The following COL4A1 variants were observed in gnomAD, a reference collection of about 807,000 sequenced individuals.
COL4A1 encodes collagen type IV alpha 1 chain, also known as collagen alpha-1(IV) chain.
In COL4A1, 40 loss-of-function variants were observed where a neutral mutation model predicts 216.6. The observed-to-expected ratio is 0.18, with a 90% CI of 0.14 to 0.24. COL4A1 has a LOEUF of 0.24. Ranked by LOEUF, COL4A1 falls within the 10% of genes least tolerant of loss-of-function variation. The probability of loss-of-function intolerance (pLI) is 1.00; values close to 1 mark genes in which losing one functional copy is unlikely to be tolerated. For missense variants in COL4A1, 1,628 were observed against 2,196.8 expected (o/e 0.74, Z 5.18); for synonymous variants, 839 against 810.7 (o/e 1.03, Z -0.59).
intron 2 of COL4A1, among the ~76,000 whole-genome samples, chr13:110,231,165 C>T (rs1314777102): frequency 2.3e-4 from 35 of 152,356 alleles, no homozygotes; most frequent in Non-Finnish European, 1.3e-4. Context: ...GCCTCTTGCC[C>T]TTGCCCAGGA....
rs1182090766 is a variant in COL4A1, at chr13:110,301,404, T to C, written c.84+5540A>G. Among the ~76,000 whole-genome samples, 7 of 152,194 alleles carry C rather than the reference T, an allele frequency of 4.6e-5. 1 individual carries two copies. Among genetic ancestry groups the C allele is most frequent in the Admixed American group, 3.9e-4 (6 of 15,284 alleles). On this transcript the variant is annotated intron_variant, in intron 1 of 51. Transcript: ENST00000375820. ...GTTGGAACCAAGACACAAATGACAA[T>C]GTAACTCCAAGCCATGTGGCAGCAA... is the stretch of plus-strand genomic sequence containing the variant.
At position 110,219,886 on chromosome 13, in the gene COL4A1, ATG is replaced by A. The variant is rs1254495252; in HGVS notation, c.145-5873_145-5872del. Among the ~76,000 whole-genome samples the A allele has an allele frequency of 2.1e-4, 17 of 82,576 alleles. 1 individual carries two copies. Among genetic ancestry groups the A allele is most frequent in the African/African-American group, 5.5e-4 (13 of 23,680 alleles). The allele number at this position is 82,576 out of a possible 152,430, so 54.2% of individuals were successfully genotyped here. A position where few individuals can be genotyped will look rare whatever the true frequency, so the allele number is the denominator to read the frequency against. Reference sequence around the variant, plus strand: ...TATGTGTGTGTATATATGTATATATATGTGTGTATATATATGTATATATATGT... The same window carrying A: ...TATGTGTGTGTATATATGTATATATATGTGTATATATATGTATATATATGT... On this transcript the variant is annotated intron_variant, in intron 2 of 51. Coordinates refer to ENST00000375820, the MANE Select transcript of COL4A1 (RefSeq NM_001845.6).
chr13:110,168,300 C>CCTG (rs1309518458), intron 43 of COL4A1, among the ~76,000 whole-genome samples: 1 of 152,168 alleles, frequency 6.6e-6, no homozygotes, highest in Non-Finnish European at 1.5e-5. Flanking sequence ...CAGGCGTGAG[C>CCTG]TACCAGGCCC....
chr13:110,232,346 C>T (rs1012639358), intron 2 of COL4A1, among the ~76,000 whole-genome samples: 4 of 152,326 alleles, frequency 2.6e-5, no homozygotes, highest in Non-Finnish European at 5.9e-5. Context: ...AACCACTTCA[C>T]AAGGATGAAG....
chr13:110,209,452 A>G, intron 10 of COL4A1, 25 bp from the exon 11 acceptor site: 1 of 1,554,408 alleles, frequency 6.4e-7, no homozygotes, highest in Non-Finnish European at 8.8e-7. Flanking sequence ...ATTTTAATTA[A>G]ATAGGATTCA....
chr13:110,174,507 T>A lies in COL4A1; in HGVS notation c.3345A>T (p.Gly1115=), dbSNP rs1166573428. The stretch of plus-strand genomic sequence containing the variant: ...CTGGGAGGCCTTTGTCACCTTTTTC[T>A]CCAGGTAGCCCAGGACTTCCTAAAG... ...VGYPGSPGLP[G]EKGDKGLPGL... is the part of the protein sequence containing the mutation. The change falls in exon 39 of 52, where the codon GGA becomes GGT. Residue 1115 remains glycine, a synonymous_variant. Coordinates refer to ENST00000375820, the MANE Select transcript of COL4A1 (RefSeq NM_001845.6). The A allele has an allele frequency of 1.2e-6, 2 of 1,613,982 alleles. No individual in the cohort carries two copies. Among genetic ancestry groups the A allele is most frequent in the African/African-American group, 2.7e-5 (2 of 74,896 alleles).
intron 1 of COL4A1, among the ~76,000 whole-genome samples, chr13:110,253,778 T>C (rs61600176): frequency 0.14 from 15,732 of 115,410 alleles, 3,471 homozygotes; most frequent in Non-Finnish European, 0.19. Context: ...GTATGTATTA[T>C]ATATACGTAT....
At chr13:110,218,035 A>C (rs1880175877) in intron 2 of COL4A1, among the ~76,000 whole-genome samples, 1 of 152,206 alleles carries the variant, frequency 6.6e-6, no homozygotes, top group South Asian at 2.1e-4. Flanking sequence ...ATACTCTAAT[A>C]AGCTTCCGTC....
In COL4A1 at chr13:110,227,489, T is replaced by C. The variant is rs9301438; in HGVS notation, c.145-13474A>G. 2.0e-3 allele frequency among the ~76,000 whole-genome samples: 292 copies of C among 142,534 alleles called. 1 individual carries two copies. Among genetic ancestry groups the C allele is most frequent in the African/African-American group, 7.3e-3 (278 of 38,296 alleles). 93.5% of individuals were successfully genotyped at this position (142,534 alleles called of 152,430 possible). A position where few individuals can be genotyped will look rare whatever the true frequency, so the allele number is the denominator to read the frequency against. On this transcript the variant is annotated intron_variant, in intron 2 of 51. Coordinates refer to ENST00000375820, the MANE Select transcript of COL4A1 (RefSeq NM_001845.6). ...ACGAAGAGACAGAGACAGAGAGACATAAAGAGAGAGAAGCTTCACTAAGAG... is the reference window on the plus strand; with the variant it reads ...ACGAAGAGACAGAGACAGAGAGACACAAAGAGAGAGAAGCTTCACTAAGAG...
Position 110,150,444 on chromosome 13 carries a change from C to A in COL4A1, c.4929G>T (p.Lys1643Asn). The A allele has an allele frequency of 6.2e-7, 1 of 1,613,936 alleles. No homozygotes were observed. The highest frequency in any genetic ancestry group is 8.5e-7 in the Non-Finnish European group (1 of 1,179,954). The change falls in exon 52 of 52, where the codon AAG (lysine) becomes AAT (asparagine). Residue 1643 changes from lysine (K) to asparagine (N), a missense_variant and splice_region_variant. Lys to Asn is a moderately conservative substitution (Grantham distance 94, BLOSUM62 0). Around this residue, in one of 8 missense-constraint regions of COL4A1, gnomAD observed 254 missense variants for 300.1 expected, o/e 0.85. Transcript: ENST00000375820. ...CCTTCAAGGTGGACGGCGTAGGCTT[C>A]CTAAAACACGACACAGAGACAGACC... Reference protein sequence around the residue: ...LATIERSEMFKKPTPSTLKAG... With the variant: ...LATIERSEMFNKPTPSTLKAG...
chr13:110,279,049 G>T (rs1477257018), intron 1 of COL4A1, among the ~76,000 whole-genome samples: 1 of 152,102 alleles, frequency 6.6e-6, no homozygotes, highest in African/African-American at 2.4e-5. Context: ...TTTGCCCGGG[G>T]TCTTCCAATT....
At chr13:110,155,447 C>T (rs1465480745) in intron 49 of COL4A1, 50 bp from the exon 50 acceptor site, 2 of 1,326,074 alleles carry the variant, frequency 1.5e-6, no homozygotes, top group Non-Finnish European at 2.2e-6. Flanking sequence ...AGGGCAGAGG[C>T]CGCCCTCCAT....
At chr13:110,237,578 G>A (rs952618594) in intron 2 of COL4A1, among the ~76,000 whole-genome samples, 14 of 152,264 alleles carry the variant, frequency 9.2e-5, no homozygotes, top group African/African-American at 2.6e-4. Flanking sequence ...AAAAAGCCCG[G>A]GCTGGTTGGT....
chr13:110,152,189 C>T, intron 51 of COL4A1, 145 bp downstream of exon 51: 1 of 1,305,368 alleles, frequency 7.7e-7, no homozygotes, highest in Non-Finnish European at 1.1e-6. Flanking sequence ...TCGTCTCGGT[C>T]ATCTGCCCAT....
chr13:110,185,476 G>A (rs1197127821), intron 26 of COL4A1, among the ~76,000 whole-genome samples: 1 of 152,274 alleles, frequency 6.6e-6, no homozygotes, highest in East Asian at 1.9e-4. Context: ...TGTTTTTTAA[G>A]GTTTACTAGT....
chr13:110,199,192 C>T (rs902457581), intron 20 of COL4A1, among the ~76,000 whole-genome samples: 13 of 152,198 alleles, frequency 8.5e-5, no homozygotes, highest in Admixed American at 6.5e-4. Context: ...TGAGGCCGGA[C>T]GCAGGGCTTG....
chr13:110,161,093 G>A, intron 49 of COL4A1, 99 bp downstream of exon 49: 2 of 1,228,790 alleles, frequency 1.6e-6, no homozygotes, highest in Non-Finnish European at 2.4e-6. Flanking sequence ...AATGGCAATG[G>A]ATTCAACGTT....
At chr13:110,169,210 T>C (rs1455259600) in intron 43 of COL4A1, among the ~76,000 whole-genome samples, 1 of 152,202 alleles carries the variant, frequency 6.6e-6, no homozygotes. Flanking sequence ...ACTGTTCAAC[T>C]GCAATTCCCT....
intron 1 of COL4A1, among the ~76,000 whole-genome samples, chr13:110,303,691 TCCTATAG>T (rs1351599379): frequency 6.6e-6 from 1 of 152,242 alleles, no homozygotes; most frequent in African/African-American, 2.4e-5. Flanking sequence ...GATTCAGTGT[TCCTATAG>T]CCCTTCGATT....
Sources: allele counts gnomAD v4.1 joint callset (sites outside exome capture counted in the v4.1 genomes callset), GRCh38; gene constraint gnomAD v4.1.1; regional missense constraint gnomAD v4.1.1; transcripts MANE v1.5; gene names NCBI Gene and HGNC (gene_info 2026-07-23, HGNC 2026-07-21).